Variants in CPS1 observed in about 807,000 individuals in gnomAD.
CPS1 encodes the protein carbamoyl-phosphate synthase [ammonia], mitochondrial.
In CPS1, 109 loss-of-function variants were observed where a neutral mutation model predicts 174.6. The observed-to-expected ratio is 0.62, with a 90% CI of 0.53 to 0.73. The LOEUF (loss-of-function observed/expected upper bound fraction) is 0.73. Ranked by LOEUF, CPS1 falls within the 30% of genes least tolerant of loss-of-function variation. The pLI is 0.00. For missense variants in CPS1, 1,689 were observed against 1,821.9 expected (o/e 0.93, Z 1.33); for synonymous variants, 637 against 632.0 (o/e 1.01, Z -0.12).
chr2:210,481,649 A>G (rs1225787932), intron 1 of CPS1, among the ~76,000 whole-genome samples: 2 of 152,256 alleles, frequency 1.3e-5, no homozygotes, highest in African/African-American at 2.4e-5. Context: ...GCCACACAGC[A>G]GGTGCTCTTC....
At chr2:210,521,713 A>G (rs1695830392) in intron 1 of CPS1, among the ~76,000 whole-genome samples, 1 of 151,928 alleles carries the variant, frequency 6.6e-6, no homozygotes, top group South Asian at 2.1e-4. Context: ...AACTGCTTGA[A>G]CTTATGAAAT....
intron 21 of CPS1, among the ~76,000 whole-genome samples, chr2:210,620,450 G>A (rs1699472601): frequency 1.3e-5 from 2 of 152,074 alleles, no homozygotes; most frequent in South Asian, 4.1e-4. Context: ...AGGGATAGGT[G>A]TATTAGGCCA....
chr2:210,519,799 T>A lies in CPS1; in HGVS notation c.4-36920T>A, dbSNP rs979421465. 5.6e-5 allele frequency: 55 copies of A among 985,018 alleles called. No individual in the cohort carries two copies. The African/African-American group carries it at 9.4e-4, about 17-fold the overall frequency. 61.0% of individuals were successfully genotyped at this position (985,018 alleles called of 1,614,324 possible). A position where few individuals can be genotyped will look rare whatever the true frequency, so the allele number is the denominator to read the frequency against. On this transcript the variant is annotated intron_variant, in intron 1 of 38. Coordinates refer to the CPS1 transcript ENST00000430249. ...TGTTGGAAGAGGTATTTGGCTTTGT[T>A]GGCGGGGAGGGCAATGATTTATGCA... is the stretch of plus-strand genomic sequence containing the variant.
chr2:210,667,809 A>T (rs182321075), intron 33 of CPS1, among the ~76,000 whole-genome samples: 197 of 152,328 alleles, frequency 1.3e-3, no homozygotes, highest in Middle Eastern at 6.8e-3. Flanking sequence ...AAGTCATATT[A>T]ACATTCGGAA....
chr2:210,646,682 C>G (rs756545183), intron 25 of CPS1, among the ~76,000 whole-genome samples: 1 of 151,984 alleles, frequency 6.6e-6, no homozygotes. Flanking sequence ...TATACACTTA[C>G]GGTATATAGG....
chr2:210,651,307 T>C (rs369872872), intron 28 of CPS1, among the ~76,000 whole-genome samples: 13 of 152,208 alleles, frequency 8.5e-5, no homozygotes, highest in African/African-American at 3.1e-4. Flanking sequence ...CTGTGTATGA[T>C]AGCTGCTCCC....
intron 21 of CPS1, among the ~76,000 whole-genome samples, chr2:210,630,087 C>CAAA (rs1387432614): frequency 4.0e-4 from 40 of 99,932 alleles, no homozygotes; most frequent in African/African-American, 1.3e-3. Flanking sequence ...AACAAAAAAA[C>CAAA]AAAACAAAAA....
rs1443679984 is a variant in CPS1 at position 210,505,750 on chromosome 2, C to A, written c.3+27984C>A. Among the ~76,000 whole-genome samples, 8 of 152,348 alleles carry A rather than the reference C, an allele frequency of 5.3e-5. No individual in the cohort carries two copies. In the East Asian group the frequency reaches 5.8e-4, roughly 11 times the overall value. ...CACACCAGGAGATTGTATCCCACAC[C>A]TGGCACGAAGGGTCCTATGCCCACG... is the stretch of plus-strand genomic sequence containing the variant. On this transcript the variant is annotated intron_variant, in intron 1 of 38. Transcript: ENST00000430249.
intron 13 of CPS1, 81 bp from the exon 14 acceptor site, chr2:210,599,290 AC>A: frequency 1.5e-6 from 2 of 1,296,336 alleles, no homozygotes; most frequent in Non-Finnish European, 2.2e-6. Context: ...AAGCTTAGTT[AC>A]CCCATGTCTT....
In CPS1 at chr2:210,515,120, G is replaced by C. The variant is rs375060048; in HGVS notation, c.3+37354G>C. 5.3e-4 allele frequency among the ~76,000 whole-genome samples: 80 copies of C among 151,542 alleles called. No individual in the cohort carries two copies. In the East Asian group the frequency reaches 0.011, roughly 20 times the overall value. The stretch of plus-strand genomic sequence containing the variant: ...TGCTAGTATCTTGTTGAAGATTTTT[G>C]TGTCTATGTTGATCAGGAATATTGG... On this transcript the variant is annotated intron_variant, in intron 1 of 38. Coordinates refer to the CPS1 transcript ENST00000430249.
rs565128893 is a variant in CPS1, at chr2:210,607,967, GGTACAGATATGTATAT to G, written c.2193-377_2193-362del. Among the ~76,000 whole-genome samples the G allele has an allele frequency of 2.2e-3, 335 of 151,684 alleles. 5 individuals carry two copies. The highest frequency in any genetic ancestry group is 7.8e-3 in the African/African-American group (325 of 41,414). On this transcript the variant is annotated intron_variant, in intron 18 of 37. Transcript: ENST00000233072. ...ACTAGCTAACTCCACTGTATTCTTAGGTACAGATATGTATATGTACAGATATGTATATATTTTCTCA... is the reference window on the plus strand; with the variant it reads ...ACTAGCTAACTCCACTGTATTCTTAGGTACAGATATGTATATATTTTCTCA...
chr2:210,511,061 G>A (rs145529612), intron 1 of CPS1, among the ~76,000 whole-genome samples: 533 of 152,048 alleles, frequency 3.5e-3, no homozygotes, highest in African/African-American at 0.012. Context: ...AAATCATGCT[G>A]CTATAAAGAC....
upstream of CPS1, among the ~76,000 whole-genome samples, chr2:210,554,406 A>G (rs1367462061): frequency 6.6e-6 from 1 of 151,678 alleles, no homozygotes; most frequent in Non-Finnish European, 1.5e-5. Flanking sequence ...CTATCCTAGA[A>G]TTGTTGATTG....
At position 210,605,156 on chromosome 2, in the gene CPS1, G is replaced by T. The variant is rs1339003853; in HGVS notation, c.1891G>T (p.Glu631Ter). Residue 631 changes from glutamate to a stop codon, truncating the protein, a stop_gained, in exon 17 of 38, where the codon GAA (glutamate) becomes TAA (stop). Transcript: ENST00000233072. LOFTEE classifies it high-confidence loss of function. ...GGAGAAGTCAGTGACAGGTTGGAAA[G>T]AAATAGAATATGAAGTGGTTCGAGA... ...LVEKSVTGWK[E>*]IEYEVVRDAD... The T allele has an allele frequency of 1.2e-6, 2 of 1,612,160 alleles. No homozygotes were observed. The highest frequency in any genetic ancestry group is 1.7e-6 in the Non-Finnish European group (2 of 1,178,804).
intron 23 of CPS1, among the ~76,000 whole-genome samples, chr2:210,639,757 A>G (rs555470366): frequency 5.3e-5 from 8 of 152,156 alleles, no homozygotes; most frequent in Non-Finnish European, 4.4e-5. Flanking sequence ...CTACATGATC[A>G]TACAATTATG....
chr2:210,590,671 A>T, intron 8 of CPS1, 129 bp from the exon 9 acceptor site: 2 of 701,714 alleles, frequency 2.9e-6, no homozygotes, highest in Non-Finnish European at 5.0e-6. Context: ...CCTTTTTTAT[A>T]TTCTTCTTTA....
intron 32 of CPS1, among the ~76,000 whole-genome samples, chr2:210,660,975 T>C (rs1700900510): frequency 6.6e-6 from 1 of 152,212 alleles, no homozygotes; most frequent in Admixed American, 6.5e-5. Context: ...GGACACACCT[T>C]GTTAGGATAA....
At chr2:210,536,599 T>C (rs1696261177) in intron 1 of CPS1, among the ~76,000 whole-genome samples, 1 of 152,194 alleles carries the variant, frequency 6.6e-6, no homozygotes, top group South Asian at 2.1e-4. Flanking sequence ...GTGCTGGGAT[T>C]ACAGGCGTGA....
At chr2:210,560,361 C>T (rs1697058465) in intron 1 of CPS1, among the ~76,000 whole-genome samples, 3 of 152,036 alleles carry the variant, frequency 2.0e-5, no homozygotes, top group Admixed American at 6.6e-5. Flanking sequence ...ATTCTGAGTT[C>T]ACAAGTCTGG....
Sources: allele counts gnomAD v4.1 joint callset (sites outside exome capture counted in the v4.1 genomes callset), GRCh38; gene constraint gnomAD v4.1.1; transcripts MANE v1.5; gene names NCBI Gene and HGNC (gene_info 2026-07-23, HGNC 2026-07-21).